The following PCDHGB1 variants were observed in gnomAD, a reference collection of about 807,000 sequenced individuals.
PCDHGB1 encodes the protein protocadherin gamma-B1.
Under a neutral mutation model 56.6 loss-of-function variants are expected in PCDHGB1, and 34 were observed. That is an observed-to-expected ratio of 0.60 (90% CI 0.46 to 0.80). The LOEUF is 0.80. Ranked by LOEUF, PCDHGB1 falls within the 30% of genes least tolerant of loss-of-function variation. The pLI is 0.00. For missense variants in PCDHGB1, 1,278 were observed against 1,204.6 expected (o/e 1.06, Z -0.90); for synonymous variants, 561 against 505.9 (o/e 1.11, Z -1.46).
rs1417754081 is a variant in PCDHGB1, at chr5:141,512,046, T to C, written c.*873T>C. 1 of 152,746 alleles carries C rather than the reference T, an allele frequency of 6.5e-6. No individual in the cohort carries two copies. Among genetic ancestry groups the C allele is most frequent in the East Asian group, 1.9e-4 (1 of 5,190 alleles). 9.5% of individuals were successfully genotyped at this position (152,746 alleles called of 1,614,324 possible). Reference sequence around the variant, plus strand: ...GCCTTGGAGGAGGCTCTGTATGTCCTCAGGGGACTGACAACATCCTCCAGA... The same window carrying C: ...GCCTTGGAGGAGGCTCTGTATGTCCCCAGGGGACTGACAACATCCTCCAGA... On this transcript the variant is annotated 3_prime_UTR_variant, in exon 4 of 4. Transcript: ENST00000523390.
rs994009107 is a variant in PCDHGB1 at position 141,490,364 on chromosome 5, G to A, written c.2410-4443G>A. ...ACAGTAGTGGGGTTGTTTAATGTGC[G>A]AGACCGGGACTCAGGTAGAAATGGT... On this transcript the variant is annotated intron_variant, in intron 1 of 3. Transcript: ENST00000523390. The surrounding 1 kb of genome is among the most constrained non-coding windows in gnomAD (Gnocchi z 5.4). 7 of 1,614,056 alleles carry A rather than the reference G, an allele frequency of 4.3e-6. No individual in the cohort carries two copies. In the African/African-American group the frequency reaches 5.3e-5, roughly 12 times the overall value.
At chr5:141,404,320 C>T (rs577477279) in intron 1 of PCDHGB1, 8 of 1,613,920 alleles carry the variant, frequency 5.0e-6, no homozygotes, top group Admixed American at 1.7e-5. Flanking sequence ...CTCAAGCCTC[C>T]TACTCAGTCT....
At chr5:141,406,177 A>G (rs929841923) in intron 1 of PCDHGB1, among the ~76,000 whole-genome samples, 2 of 151,308 alleles carry the variant, frequency 1.3e-5, no homozygotes. Flanking sequence ...GGCTTATGCA[A>G]TCCTCCCACC....
intron 1 of PCDHGB1, among the ~76,000 whole-genome samples, chr5:141,464,402 G>T (rs900750443): frequency 6.6e-6 from 1 of 150,722 alleles, no homozygotes; most frequent in African/African-American, 2.4e-5. Context: ...AAGAACCTGA[G>T]ATATATATAT....
At chr5:141,395,494 T>G in intron 1 of PCDHGB1, 3 of 484,122 alleles carry the variant, frequency 6.2e-6, no homozygotes, top group Middle Eastern at 5.6e-4. Context: ...TTATCACTCA[T>G]TCACTTAAGA....
At chr5:141,365,408 T>G in intron 1 of PCDHGB1, 1 of 1,614,004 alleles carries the variant, frequency 6.2e-7, no homozygotes. Flanking sequence ...CTCTGAAGAC[T>G]GTCTTCCCGG....
chr5:141,491,316 T>C lies in PCDHGB1; in HGVS notation c.2410-3491T>C. The C allele has an allele frequency of 3.1e-6, 5 of 1,614,176 alleles. No homozygotes were observed. The highest frequency in any genetic ancestry group is 3.4e-6 in the Non-Finnish European group (4 of 1,180,004). ...CTCCTGAGCGTTCAGACCTTACCCT[T>C]TACCTCATTGTGGCTCTAGCGACCG... is the stretch of plus-strand genomic sequence containing the variant. On this transcript the variant is annotated intron_variant, in intron 1 of 3. Coordinates refer to ENST00000523390, the MANE Select transcript of PCDHGB1 (RefSeq NM_018922.3). The surrounding 1 kb of genome is among the most constrained non-coding windows in gnomAD (Gnocchi z 6.9).
intron 1 of PCDHGB1, among the ~76,000 whole-genome samples, chr5:141,488,511 G>A (rs2099676160): frequency 6.6e-6 from 1 of 152,162 alleles, no homozygotes. Context: ...CCACATTTGG[G>A]GTCTGGGGTG....
chr5:141,496,992 C>T (rs1055856428), intron 2 of PCDHGB1, among the ~76,000 whole-genome samples: 2 of 151,918 alleles, frequency 1.3e-5, no homozygotes, highest in African/African-American at 2.4e-5. Context: ...TTGAGACCAG[C>T]CTGGCAGCCA....
intron 1 of PCDHGB1, chr5:141,409,895 C>T (rs928044268): frequency 2.5e-6 from 4 of 1,613,098 alleles, no homozygotes; most frequent in Non-Finnish European, 3.4e-6. Flanking sequence ...GGTGCTGTAC[C>T]CAGCTCTGGG....
intron 1 of PCDHGB1, chr5:141,357,031 T>C (rs764103688): frequency 2.5e-6 from 4 of 1,613,998 alleles, no homozygotes; most frequent in Non-Finnish European, 3.4e-6. Flanking sequence ...CCTACTCAAG[T>C]CCAGCGAGCC....
rs375080564 is a variant in PCDHGB1 at position 141,486,676 on chromosome 5, T to C, written c.2410-8131T>C. On this transcript the variant is annotated intron_variant, in intron 1 of 3. Transcript: ENST00000523390. The surrounding 1 kb of genome is among the most constrained non-coding windows in gnomAD (Gnocchi z 5.0). ...CACTCCTGGAGCCCAGGAATCGAGA[T>C]GTATCAGCTTCCTCTTTCATCTCTC... The C allele has an allele frequency of 6.2e-7, 1 of 1,614,120 alleles. No homozygotes were observed. The highest frequency in any genetic ancestry group is 1.7e-5 in the Admixed American group (1 of 60,032).
At chr5:141,410,481 G>A in intron 1 of PCDHGB1, 2 of 1,613,966 alleles carry the variant, frequency 1.2e-6, no homozygotes, top group Non-Finnish European at 1.7e-6. Context: ...GCACATACGG[G>A]TACAAAAGAG....
At chr5:141,398,612 T>G in intron 1 of PCDHGB1, 1 of 1,614,024 alleles carries the variant, frequency 6.2e-7, no homozygotes, top group Non-Finnish European at 8.5e-7. Flanking sequence ...GATGCAGATA[T>G]TGGCTTAAAC....
chr5:141,508,409 G>T (rs143032030), intron 3 of PCDHGB1: 4 of 152,276 alleles, frequency 2.6e-5, no homozygotes, highest in South Asian at 2.1e-4. Context: ...CTTGAGCCAC[G>T]CAGAGACTTG....
intron 1 of PCDHGB1, among the ~76,000 whole-genome samples, chr5:141,424,908 C>G (rs910592644): frequency 1.3e-5 from 2 of 152,184 alleles, no homozygotes; most frequent in Non-Finnish European, 2.9e-5. Context: ...TCACAGGAAT[C>G]ATTTCCATAA....
Position 141,485,098 on chromosome 5 carries a change from A to G in PCDHGB1, c.2410-9709A>G, listed in dbSNP as rs2099606903. ...CGGGGAAAGGGAGATAGGTGTCTCCAGCTGCTGTGGCTGTTTGGGGCGGGT... is the reference window on the plus strand; with the variant it reads ...CGGGGAAAGGGAGATAGGTGTCTCCGGCTGCTGTGGCTGTTTGGGGCGGGT... On this transcript the variant is annotated intron_variant, in intron 1 of 3. Transcript: ENST00000523390. This position sits in a 1 kb window ranked among gnomAD's most constrained non-coding sequence, Gnocchi z 5.7. 8.8e-7 allele frequency: 1 copy of G among 1,134,792 alleles called. No individual in the cohort carries two copies. Among genetic ancestry groups the G allele is most frequent in the South Asian group, 1.4e-5 (1 of 71,796 alleles). The allele number at this position is 1,134,792 out of a possible 1,614,324, so 70.3% of individuals were successfully genotyped here. A position where few individuals can be genotyped will look rare whatever the true frequency, so the allele number is the denominator to read the frequency against.
At chr5:141,454,824 T>C (rs1231148585) in intron 1 of PCDHGB1, among the ~76,000 whole-genome samples, 1 of 127,218 alleles carries the variant, frequency 7.9e-6, no homozygotes, top group African/African-American at 3.3e-5. Flanking sequence ...TTTTTTTTTT[T>C]TGAGACAGAG....
rs764579211 is a variant in PCDHGB1 at position 141,489,393 on chromosome 5, T to C, written c.2410-5414T>C. 1.9e-5 allele frequency: 30 copies of C among 1,614,098 alleles called. No individual in the cohort carries two copies. In the South Asian group the frequency reaches 3.3e-4, roughly 18 times the overall value. On this transcript the variant is annotated intron_variant, in intron 1 of 3. Coordinates refer to ENST00000523390, the MANE Select transcript of PCDHGB1 (RefSeq NM_018922.3). The surrounding 1 kb of genome is among the most constrained non-coding windows in gnomAD (Gnocchi z 4.5). ...CGCTGGTGGGGAATGTTGCTCAGGA[T>C]CTGGGCTTAAAGATGACAGATCTGT...
Sources: allele counts gnomAD v4.1 joint callset (sites outside exome capture counted in the v4.1 genomes callset), GRCh38; gene constraint gnomAD v4.1.1; non-coding constraint Gnocchi (gnomAD v3.1); transcripts MANE v1.5; gene names NCBI Gene and HGNC (gene_info 2026-07-23, HGNC 2026-07-21).